The following AMMECR1L variants were observed in gnomAD, a reference collection of about 807,000 sequenced individuals.
AMMECR1L encodes AMMECR1 like, also known as AMMECR1-like protein.
AMMECR1L carries 4 observed loss-of-function variants against 36.8 expected under a neutral mutation model. The observed-to-expected ratio is 0.11, with a 90% CI of 0.05 to 0.25. The LOEUF is 0.25. Ranked by LOEUF, AMMECR1L falls within the 10% of genes least tolerant of loss-of-function variation. The pLI is 1.00. For synonymous variants in AMMECR1L, 147 were observed against 148.0 expected (o/e 0.99, Z 0.05); for missense variants, 232 against 392.1 (o/e 0.59, Z 3.45).
intron 2 of AMMECR1L, among the ~76,000 whole-genome samples, chr2:127,878,101 T>A (rs560582328): frequency 2.0e-5 from 3 of 152,254 alleles, no homozygotes; most frequent in Admixed American, 1.3e-4. Flanking sequence ...TTCTAGGGTA[T>A]GTTAAGAACT....
intron 2 of AMMECR1L, among the ~76,000 whole-genome samples, chr2:127,880,879 G>C (rs909817728): frequency 6.6e-6 from 1 of 152,086 alleles, no homozygotes; most frequent in Non-Finnish European, 1.5e-5. Flanking sequence ...CGCAGAACCT[G>C]AGGATGACTG....
At chr2:127,870,612 G>A (rs769138295) in intron 5 of AMMECR1L, among the ~76,000 whole-genome samples, 3 of 152,180 alleles carry the variant, frequency 2.0e-5, no homozygotes, top group Non-Finnish European at 2.9e-5. Flanking sequence ...AGAATCAGGA[G>A]AAGCGAGCCT....
chr2:127,873,424 T>G lies in AMMECR1L; in HGVS notation c.407+404A>C. On this transcript the variant is annotated intron_variant, in intron 3 of 7. Transcript: ENST00000272647. This position sits in a 1 kb window ranked among gnomAD's most constrained non-coding sequence, Gnocchi z 5.2. The stretch of plus-strand genomic sequence containing the variant: ...TAACCAAATCGCAGATCCCAGTGAA[T>G]GAGAGCTCCTAGTCTCCAGCCTGGC... The G allele has an allele frequency of 1.0e-6, 1 of 985,454 alleles. No homozygotes were observed. Among genetic ancestry groups the G allele is most frequent in the Non-Finnish European group, 1.2e-6 (1 of 829,926 alleles). 61.0% of individuals were successfully genotyped at this position (985,454 alleles called of 1,614,324 possible).
rs1691098675 is a variant in AMMECR1L, at chr2:127,873,729, GA to G, written c.407+98del. The G allele has an allele frequency of 4.4e-6, 7 of 1,586,086 alleles. No individual in the cohort carries two copies. In the Admixed American group the frequency reaches 5.7e-5, roughly 13 times the overall value. On this transcript the variant is annotated intron_variant, in intron 3 of 7. Transcript: ENST00000272647. This position sits in a 1 kb window ranked among gnomAD's most constrained non-coding sequence, Gnocchi z 5.2. ...TCTTCCCATTACCCTTTCCTCAAAT[GA>G]TAATAAAGACTTCCAAGTAGCAGAC... is the stretch of plus-strand genomic sequence containing the variant.
chr2:127,882,433 C>A (rs898191203), intron 2 of AMMECR1L, among the ~76,000 whole-genome samples: 1 of 152,110 alleles, frequency 6.6e-6, no homozygotes, highest in African/African-American at 2.4e-5. Context: ...ATAATTCTGT[C>A]CTACTTATGG....
chr2:127,872,276 G>A (rs1219382788), intron 3 of AMMECR1L, among the ~76,000 whole-genome samples: 2 of 151,458 alleles, frequency 1.3e-5, no homozygotes, highest in African/African-American at 4.9e-5. Context: ...GGGCTCAAGC[G>A]ATCCTCCCAC....
In AMMECR1L at chr2:127,874,130, C is replaced by A. The variant is rs1415819925; in HGVS notation, c.105G>T (p.Gly35=). 6.2e-7 allele frequency: 1 copy of A among 1,614,138 alleles called. No homozygotes were observed. The highest frequency in any genetic ancestry group is 1.3e-5 in the African/African-American group (1 of 75,028). The change falls in exon 3 of 8, where the codon GGG becomes GGT. Residue 35 remains glycine, a synonymous_variant. Coordinates refer to ENST00000272647, the MANE Select transcript of AMMECR1L (RefSeq NM_001199140.2). This position sits in a 1 kb window ranked among gnomAD's most constrained non-coding sequence, Gnocchi z 5.2. ...KLSGSGTHSH[G]NQSTTVPGSS... is the part of the protein sequence containing the mutation. Reference sequence around the variant, plus strand: ...AGCCGGGGACAGTTGTGGACTGATTCCCGTGACTGTGCGTTCCACTTCCAG... The same window carrying A: ...AGCCGGGGACAGTTGTGGACTGATTACCGTGACTGTGCGTTCCACTTCCAG...
At chr2:127,881,670 A>G (rs1341385672) in intron 2 of AMMECR1L, among the ~76,000 whole-genome samples, 1 of 152,228 alleles carries the variant, frequency 6.6e-6, no homozygotes, top group Non-Finnish European at 1.5e-5. Context: ...CTATCTATTA[A>G]GTGTCTGCTG....
chr2:127,866,634 C>A (rs1378019808), intron 7 of AMMECR1L, among the ~76,000 whole-genome samples: 2 of 152,228 alleles, frequency 1.3e-5, no homozygotes, highest in Non-Finnish European at 2.9e-5. Context: ...AGCCTCCCAA[C>A]CACGTGGGTC....
At position 127,871,362 on chromosome 2, in the gene AMMECR1L, A is replaced by G. The variant is rs951779220; in HGVS notation, c.408-3T>C. 2 of 1,612,142 alleles carry G rather than the reference A, an allele frequency of 1.2e-6. No individual in the cohort carries two copies. The highest frequency in any genetic ancestry group is 1.7e-6 in the Non-Finnish European group (2 of 1,179,432). ...TCTTCCACGTCACAAAGAGCGGACT[A>G]AAAAAAGCAAAACACAAAACATTCT... On this transcript the variant is annotated splice_polypyrimidine_tract_variant and splice_region_variant and intron_variant, in intron 3 of 7. Coordinates refer to ENST00000272647, the MANE Select transcript of AMMECR1L (RefSeq NM_001199140.2). The surrounding 1 kb of genome is among the most constrained non-coding windows in gnomAD (Gnocchi z 4.3).
At chr2:127,880,692 C>G (rs1051720256) in intron 2 of AMMECR1L, among the ~76,000 whole-genome samples, 2 of 151,986 alleles carry the variant, frequency 1.3e-5, no homozygotes, top group African/African-American at 4.8e-5. Flanking sequence ...GCACTGAACT[C>G]GGCATCACCC....
rs1226958069 is a variant in AMMECR1L at position 127,871,814 on chromosome 2, C to T, written c.408-455G>A. ...ATGTTGCTTCCATGATCATGTCTGC[C>T]CCTGACAACTACAAATATTTCCACT... On this transcript the variant is annotated intron_variant, in intron 3 of 7. Coordinates refer to ENST00000272647, the MANE Select transcript of AMMECR1L (RefSeq NM_001199140.2). This position sits in a 1 kb window ranked among gnomAD's most constrained non-coding sequence, Gnocchi z 4.3. Among the ~76,000 whole-genome samples, 3 of 152,024 alleles carry T rather than the reference C, an allele frequency of 2.0e-5. No individual in the cohort carries two copies. Among genetic ancestry groups the T allele is most frequent in the African/African-American group, 4.8e-5 (2 of 41,370 alleles).
chr2:127,870,340 T>C (rs1389188218), intron 5 of AMMECR1L, among the ~76,000 whole-genome samples: 1 of 150,036 alleles, frequency 6.7e-6, no homozygotes, highest in Non-Finnish European at 1.5e-5. Context: ...CTGGGCATGG[T>C]GGTGGGCACC....
chr2:127,869,202 T>G lies in AMMECR1L; in HGVS notation c.724+252A>C, dbSNP rs1297961311. On this transcript the variant is annotated intron_variant, in intron 6 of 7. Coordinates refer to ENST00000272647, the MANE Select transcript of AMMECR1L (RefSeq NM_001199140.2). The surrounding 1 kb of genome is among the most constrained non-coding windows in gnomAD (Gnocchi z 4.7). ...AGTTTAAGGGGCTAAGAAATAAAACTATTCATTGAAAAGAAGTGTTTGAAA... is the reference window on the plus strand; with the variant it reads ...AGTTTAAGGGGCTAAGAAATAAAACGATTCATTGAAAAGAAGTGTTTGAAA... Among the ~76,000 whole-genome samples, 1 of 152,224 alleles carries G rather than the reference T, an allele frequency of 6.6e-6. No homozygotes were observed. The highest frequency in any genetic ancestry group is 2.4e-5 in the African/African-American group (1 of 41,454).
rs568287509 is a variant in AMMECR1L, at chr2:127,871,165, A to G, written c.518+84T>C. ...TTACCAAAAAGAGAAAGCTCAACGT[A>G]CATCACTTAGAAGAAATAAAGTCAG... On this transcript the variant is annotated intron_variant, in intron 4 of 7. Transcript: ENST00000272647. This position sits in a 1 kb window ranked among gnomAD's most constrained non-coding sequence, Gnocchi z 4.3. 1.4e-6 allele frequency: 2 copies of G among 1,428,936 alleles called. No homozygotes were observed. The highest frequency in any genetic ancestry group is 4.6e-5 in the East Asian group (2 of 43,278). The allele number at this position is 1,428,936 out of a possible 1,614,324, so 88.5% of individuals were successfully genotyped here.
rs1691095763 is a variant in AMMECR1L, at chr2:127,873,670, G to A, written c.407+158C>T. On this transcript the variant is annotated intron_variant, in intron 3 of 7. Transcript: ENST00000272647. The surrounding 1 kb of genome is among the most constrained non-coding windows in gnomAD (Gnocchi z 5.2). ...CCTTCCATTACTGAATCCACTGAAT[G>A]TTTTAAATATTCTCTGGACATTTCT... 1.0e-6 allele frequency: 1 copy of A among 985,342 alleles called. No individual in the cohort carries two copies. The highest frequency in any genetic ancestry group is 1.7e-5 in the African/African-American group (1 of 57,246). 61.0% of individuals were successfully genotyped at this position (985,342 alleles called of 1,614,324 possible). A position where few individuals can be genotyped will look rare whatever the true frequency, so the allele number is the denominator to read the frequency against.
rs1690633862 is a variant in AMMECR1L, at chr2:127,865,257, TAA to T, written c.822-54_822-53del. On this transcript the variant is annotated intron_variant, in intron 7 of 7. Coordinates refer to ENST00000272647, the MANE Select transcript of AMMECR1L (RefSeq NM_001199140.2). This position sits in a 1 kb window ranked among gnomAD's most constrained non-coding sequence, Gnocchi z 5.4. ...TAGGAACCCCAAACGCTTCATTTTG[TAA>T]AGTCACTCAGCAGAGAAAAACCAAA... 1.5e-6 allele frequency: 2 copies of T among 1,336,950 alleles called. No individual in the cohort carries two copies. Among genetic ancestry groups the T allele is most frequent in the South Asian group, 2.6e-5 (2 of 76,594 alleles). 82.8% of individuals were successfully genotyped at this position (1,336,950 alleles called of 1,614,324 possible).
chr2:127,872,192 GAAA>G, intron 3 of AMMECR1L, among the ~76,000 whole-genome samples: 1 of 84,750 alleles, frequency 1.2e-5, no homozygotes, highest in African/African-American at 4.2e-5. Flanking sequence ...GTCTCAAAAA[GAAA>G]AAAAAAAAAA....
chr2:127,881,402 G>T (rs563302733), intron 2 of AMMECR1L, among the ~76,000 whole-genome samples: 8 of 151,586 alleles, frequency 5.3e-5, no homozygotes, highest in African/African-American at 1.9e-4. Context: ...CTCACTGCAG[G>T]TCCCTTCCAA....
Sources: gnomAD v4.1 joint callset for allele counts (sites outside exome capture counted in the v4.1 genomes callset) on GRCh38, gnomAD v4.1.1 for gene constraint, Gnocchi (gnomAD v3.1) non-coding constraint, MANE v1.5 for transcripts, NCBI Gene and HGNC (gene_info 2026-07-23, HGNC 2026-07-21) for gene names.